ACYP2: variants seen among roughly 807,000 people sequenced by gnomAD.
ACYP2 encodes acylphosphatase 2, also known as acylphosphatase-2.
ACYP2 carries 12 observed loss-of-function variants against 11.2 expected under a neutral mutation model. The observed-to-expected ratio is 1.08, with a 90% confidence interval of 0.69 to 1.74. ACYP2 has a LOEUF of 1.74. Among genes scored for constraint, ACYP2 ranks in the 40% most tolerant of loss-of-function variants. ACYP2 has a pLI of 0.00. For missense variants in ACYP2, 134 were observed against 101.9 expected (o/e 1.31, Z -1.35); for synonymous variants, 43 against 32.2 (o/e 1.33, Z -1.13).
chr2:54,274,668 A>G (rs1315875272), intron 6 of ACYP2, among the ~76,000 whole-genome samples: 12 of 151,580 alleles, frequency 7.9e-5, no homozygotes, highest in African/African-American at 2.9e-4. Context: ...TCTGAAACTA[A>G]AAGAAAAATC....
intron 6 of ACYP2, among the ~76,000 whole-genome samples, chr2:54,156,700 C>G (rs1245638997): frequency 6.6e-6 from 1 of 152,114 alleles, no homozygotes; most frequent in Non-Finnish European, 1.5e-5. Flanking sequence ...GAATCTTGCT[C>G]TGTCATCCAG....
intron 6 of ACYP2, among the ~76,000 whole-genome samples, chr2:54,275,788 A>T (rs1045089127): frequency 6.6e-6 from 1 of 152,214 alleles, no homozygotes; most frequent in Admixed American, 6.5e-5. Flanking sequence ...TTGCTTTATA[A>T]TGAACATCCA....
At chr2:54,125,147 C>A (rs1310361786) in intron 4 of ACYP2, among the ~76,000 whole-genome samples, 1 of 152,010 alleles carries the variant, frequency 6.6e-6, no homozygotes, top group Non-Finnish European at 1.5e-5. Flanking sequence ...TATAGAAAAG[C>A]TGGTGATAAA....
At chr2:54,277,461 T>G (rs978982905) in intron 6 of ACYP2, among the ~76,000 whole-genome samples, 1 of 152,084 alleles carries the variant, frequency 6.6e-6, no homozygotes, top group Non-Finnish European at 1.5e-5. Flanking sequence ...GGGTGGATCA[T>G]GAGGTCAGGA....
chr2:54,182,387 G>C (rs1683781355), intron 6 of ACYP2, among the ~76,000 whole-genome samples: 1 of 152,094 alleles, frequency 6.6e-6, no homozygotes, highest in South Asian at 2.1e-4. Flanking sequence ...TGTTGCCCGG[G>C]CGGGAATACG....
chr2:54,117,299 T>A (rs1202103844), intron 4 of ACYP2, among the ~76,000 whole-genome samples: 2 of 152,210 alleles, frequency 1.3e-5, no homozygotes, highest in Non-Finnish European at 2.9e-5. Context: ...TTTTTAATTT[T>A]ATTTTTTTAA....
intron 6 of ACYP2, among the ~76,000 whole-genome samples, chr2:54,251,652 G>T (rs1413342977): frequency 6.6e-6 from 1 of 152,156 alleles, no homozygotes; most frequent in Non-Finnish European, 1.5e-5. Context: ...GTGAGCAAAG[G>T]CACTGACTGC....
At chr2:54,251,054 A>G (rs1393199002) in intron 6 of ACYP2, among the ~76,000 whole-genome samples, 1 of 152,230 alleles carries the variant, frequency 6.6e-6, no homozygotes, top group Non-Finnish European at 1.5e-5. Flanking sequence ...TTGATGATCT[A>G]TTTGGCTGGA....
intron 6 of ACYP2, among the ~76,000 whole-genome samples, chr2:54,298,090 GT>G (rs1689589410): frequency 6.6e-6 from 1 of 152,074 alleles, no homozygotes; most frequent in African/African-American, 2.4e-5. Context: ...TTTGGTACTG[GT>G]TTTATATTCT....
At chr2:54,097,287 C>T (rs1214001544) in intron 4 of ACYP2, among the ~76,000 whole-genome samples, 1 of 152,214 alleles carries the variant, frequency 6.6e-6, no homozygotes, top group Non-Finnish European at 1.5e-5. Flanking sequence ...TTTGTTGTCT[C>T]TTTCCCCTGA....
At chr2:54,244,821 T>C (rs555016371) in intron 6 of ACYP2, among the ~76,000 whole-genome samples, 2 of 152,340 alleles carry the variant, frequency 1.3e-5, no homozygotes, top group East Asian at 3.9e-4. Context: ...ATATATACAA[T>C]GCTTAGTGAT....
chr2:54,138,262 G>A lies in ACYP2; in HGVS notation c.295-377G>A, dbSNP rs376425328. 8.5e-5 allele frequency among the ~76,000 whole-genome samples: 13 copies of A among 152,182 alleles called. No homozygotes were observed. In the East Asian group the frequency reaches 1.5e-3, roughly 18 times the overall value. On this transcript the variant is annotated intron_variant, in intron 5 of 6. Coordinates refer to ENST00000607452, the MANE Select transcript of ACYP2 (RefSeq NM_001320586.2). The stretch of plus-strand genomic sequence containing the variant: ...TTTTTTCTCAGTGATTGAGAATCTT[G>A]GATTGATTATGATTTGGAACCCAGG...
At chr2:54,259,031 A>C (rs1377166615) in intron 6 of ACYP2, among the ~76,000 whole-genome samples, 1 of 152,172 alleles carries the variant, frequency 6.6e-6, no homozygotes, top group East Asian at 1.9e-4. Flanking sequence ...AAAAACATAA[A>C]TCCATCTTAA....
intron 2 of ACYP2, among the ~76,000 whole-genome samples, chr2:54,015,584 G>A (rs1050481150): frequency 6.6e-5 from 10 of 151,574 alleles, no homozygotes; most frequent in African/African-American, 1.7e-4. Flanking sequence ...GGGAGGTGGA[G>A]GATTCAGCGA....
intron 6 of ACYP2, among the ~76,000 whole-genome samples, chr2:54,182,874 G>A (rs1254360600): frequency 6.6e-6 from 1 of 152,128 alleles, no homozygotes; most frequent in Non-Finnish European, 1.5e-5. Context: ...TTACCAGGGA[G>A]ACCTGGCCCC....
chr2:54,239,725 T>C (rs747798433), intron 6 of ACYP2, among the ~76,000 whole-genome samples: 4 of 152,136 alleles, frequency 2.6e-5, no homozygotes, highest in African/African-American at 4.8e-5. Context: ...TTTAATATGA[T>C]TCTTACTTTA....
chr2:54,254,786 G>A (rs1312337340), intron 6 of ACYP2: 10 of 849,306 alleles, frequency 1.2e-5, no homozygotes, highest in South Asian at 1.8e-5. Context: ...TTGAGAGAAC[G>A]GAAAGTTTAA....
intron 6 of ACYP2, chr2:54,255,675 T>C (rs1167020781): frequency 6.2e-7 from 1 of 1,613,928 alleles, no homozygotes; most frequent in Non-Finnish European, 8.5e-7. Context: ...CCACTGGGGC[T>C]GAGAACATGG....
intron 6 of ACYP2, among the ~76,000 whole-genome samples, chr2:54,139,101 G>A (rs2103784307): frequency 6.6e-6 from 1 of 152,316 alleles, no homozygotes; most frequent in East Asian, 1.9e-4. Flanking sequence ...CTATGTTTAG[G>A]AATGGACTTC....
Sources: allele counts gnomAD v4.1 joint callset (sites outside exome capture counted in the v4.1 genomes callset), GRCh38; gene constraint gnomAD v4.1.1; transcripts MANE v1.5; gene names NCBI Gene and HGNC (gene_info 2026-07-23, HGNC 2026-07-21).